The following PHF12 variants were observed in gnomAD, a reference collection of about 807,000 sequenced individuals.
PHF12 encodes PHD factor 1.
A neutral mutation model predicts 99.8 loss-of-function variants in PHF12; 6 were observed. The observed-to-expected ratio is 0.06, with a 90% CI of 0.03 to 0.12. The LOEUF is 0.12. Ranked by LOEUF, PHF12 falls within the 10% of genes least tolerant of loss-of-function variation. The pLI is 1.00. For missense variants in PHF12, 954 were observed against 1,300.1 expected, an observed-to-expected ratio of 0.73 and a Z score of 4.09; for synonymous variants, 480 against 514.9, an observed-to-expected ratio of 0.93 and a Z score of 0.92.
At chr17:28,936,275 C>A (rs1410021143) in intron 2 of PHF12, among the ~76,000 whole-genome samples, 1 of 152,114 alleles carries the variant, frequency 6.6e-6, no homozygotes, top group East Asian at 1.9e-4. Context: ...GTTAATTATC[C>A]ATCCAGAACA....
intron 2 of PHF12, among the ~76,000 whole-genome samples, chr17:28,929,019 C>A (rs1206579849): frequency 6.6e-6 from 1 of 151,426 alleles, no homozygotes; most frequent in Admixed American, 6.6e-5. Context: ...TCGCTTGAAC[C>A]TGGGAAGTGG....
chr17:28,950,733 T>G lies in PHF12; in HGVS notation c.66+162A>C. 1.0e-5 allele frequency: 11 copies of G among 1,048,236 alleles called. No homozygotes were observed. In the South Asian group the frequency reaches 1.2e-4, roughly 11 times the overall value. The allele number at this position is 1,048,236 out of a possible 1,614,324, so 64.9% of individuals were successfully genotyped here. A position where few individuals can be genotyped will look rare whatever the true frequency, so the allele number is the denominator to read the frequency against. ...CTGCAAACGTCCTCGGAGGCTGAGC[T>G]CAGCCCCCTAAATTGCAAAGAGGGG... On this transcript the variant is annotated intron_variant, in intron 1 of 14. Coordinates refer to ENST00000332830, the MANE Select transcript of PHF12 (RefSeq NM_001033561.2). This position sits in a 1 kb window ranked among gnomAD's most constrained non-coding sequence, Gnocchi z 5.7.
rs191362934 is a variant in PHF12, at chr17:28,927,114, T to C, written c.249-51A>G. ...CTAAATAACTAGCCCTTTGAGGCAGTAGGAAAAGCCTAGCTAGGTTTGCAT... is the reference window on the plus strand; with the variant it reads ...CTAAATAACTAGCCCTTTGAGGCAGCAGGAAAAGCCTAGCTAGGTTTGCAT... On this transcript the variant is annotated intron_variant, in intron 2 of 14. Transcript: ENST00000332830. The C allele has an allele frequency of 4.2e-5, 64 of 1,529,022 alleles. No individual in the cohort carries two copies. In the Admixed American group the frequency reaches 7.0e-4, roughly 17 times the overall value. 94.7% of individuals were successfully genotyped at this position (1,529,022 alleles called of 1,614,324 possible).
At chr17:28,931,252 A>G (rs921066077) in intron 2 of PHF12, among the ~76,000 whole-genome samples, 1 of 125,138 alleles carries the variant, frequency 8.0e-6, no homozygotes, top group African/African-American at 2.9e-5. Context: ...TGAGGCCATC[A>G]TTCCTTTTTT....
At chr17:28,919,857 A>G (rs1238291907) in intron 5 of PHF12, among the ~76,000 whole-genome samples, 1 of 152,190 alleles carries the variant, frequency 6.6e-6, no homozygotes, top group Admixed American at 6.5e-5. Context: ...CGGGAAAGTG[A>G]ATGTTTATTT....
chr17:28,911,119 G>C lies in PHF12; in HGVS notation c.2208C>G (p.Val736=). 1 of 1,614,148 alleles carries C rather than the reference G, an allele frequency of 6.2e-7. No individual in the cohort carries two copies. The highest frequency in any genetic ancestry group is 8.5e-7 in the Non-Finnish European group (1 of 1,180,020). The change falls in exon 10 of 15, where the codon GTC becomes GTG. Residue 736 remains valine, a synonymous_variant. Coordinates refer to ENST00000332830, the MANE Select transcript of PHF12 (RefSeq NM_001033561.2). ...AGCAGCTCATTCACTCACCTCCATTGACATCCATAAATGCTCGAAGTGAGT... is the reference window on the plus strand; with the variant it reads ...AGCAGCTCATTCACTCACCTCCATTCACATCCATAAATGCTCGAAGTGAGT... ...LTNSLRAFMD[V]NGEIEINMLD... is the part of the protein sequence containing the mutation.
chr17:28,915,468 A>G (rs2040045009), intron 7 of PHF12, among the ~76,000 whole-genome samples: 1 of 152,152 alleles, frequency 6.6e-6, no homozygotes, highest in Non-Finnish European at 1.5e-5. Context: ...GGGCAGGCAG[A>G]TATGAGTCTG....
At chr17:28,931,046 G>GT (rs1335521627) in intron 2 of PHF12, among the ~76,000 whole-genome samples, 1 of 152,160 alleles carries the variant, frequency 6.6e-6, no homozygotes, top group Non-Finnish European at 1.5e-5. Flanking sequence ...GGGCAACAGA[G>GT]TGAGACCCTG....
chr17:28,912,727 T>C lies in PHF12; in HGVS notation c.1844A>G (p.Gln615Arg). Residue 615 changes from glutamine to arginine, a missense_variant, in exon 9 of 15, where the codon CAG becomes CGG. Gln to Arg is a conservative substitution (Grantham distance 43). Transcript: ENST00000332830. ...ENATGPSSCP[Q>R]RSLVPVPSLP... ...GCTTGGGACAGGAACCAAACTCCTC[T>C]GGGGGCAAGAGCTGGGGCCAGTGGC... 2 of 1,614,188 alleles carry C rather than the reference T, an allele frequency of 1.2e-6. No homozygotes were observed.
chr17:28,920,812 C>T lies in PHF12; in HGVS notation c.836+876G>A, dbSNP rs572155178. On this transcript the variant is annotated intron_variant, in intron 5 of 14. Transcript: ENST00000332830. ...TCCTGACCTCATGATCTGCCCGCCT[C>T]GGCCTCCCAAAGTGTTGGGATTACA... Among the ~76,000 whole-genome samples, 10 of 152,334 alleles carry T rather than the reference C, an allele frequency of 6.6e-5. No homozygotes were observed. In the South Asian group the frequency reaches 8.3e-4, roughly 13 times the overall value.
At chr17:28,914,256 C>T (rs527683179) in intron 7 of PHF12, among the ~76,000 whole-genome samples, 23 of 152,222 alleles carry the variant, frequency 1.5e-4, no homozygotes, top group Admixed American at 5.9e-4. Context: ...GAAACCACTG[C>T]GTTCTGTCTT....
At position 28,911,201 on chromosome 17, in the gene PHF12, C is replaced by T; in HGVS notation, c.2126G>A (p.Ser709Asn). The change falls in exon 10 of 15, where the codon AGC (serine) becomes AAC (asparagine). Residue 709 changes from serine to asparagine, a missense_variant. Ser to Asn is a conservative substitution (Grantham distance 46). Coordinates refer to ENST00000332830, the MANE Select transcript of PHF12 (RefSeq NM_001033561.2). ...KVSPGTLSIG[S>N]ALTVPSFPAN... ...TGGGAAAGAGGGTACGGTTAAAGCGCTTCCTATGGATAACGTGCCGGGGCT... is the reference window on the plus strand; with the variant it reads ...TGGGAAAGAGGGTACGGTTAAAGCGTTTCCTATGGATAACGTGCCGGGGCT... 6.2e-7 allele frequency: 1 copy of T among 1,614,156 alleles called. No homozygotes were observed.
At chr17:28,924,465 CAACTCT>C in intron 3 of PHF12, 163 bp from the exon 4 acceptor site, 1 of 903,614 alleles carries the variant, frequency 1.1e-6, no homozygotes, top group East Asian at 2.5e-5. Flanking sequence ...AAAGTTGACA[CAACTCT>C]AACTGAACTA....
At position 28,950,848 on chromosome 17, in the gene PHF12, G is replaced by A. The variant is rs1458000150; in HGVS notation, c.66+47C>T. ...TGGCTTTGTGGGGCGGAGGGCGGAG[G>A]TTCCCTCCCGGCGCTGGAGGAAGGA... is the stretch of plus-strand genomic sequence containing the variant. On this transcript the variant is annotated intron_variant, in intron 1 of 14. Transcript: ENST00000332830. The surrounding 1 kb of genome is among the most constrained non-coding windows in gnomAD (Gnocchi z 5.7). The A allele has an allele frequency of 1.9e-6, 3 of 1,608,102 alleles. No individual in the cohort carries two copies. Among genetic ancestry groups the A allele is most frequent in the Non-Finnish European group, 2.6e-6 (3 of 1,176,408 alleles).
At chr17:28,911,434 C>T in intron 9 of PHF12, 197 bp from the exon 10 acceptor site, 1 of 647,592 alleles carries the variant, frequency 1.5e-6, no homozygotes, top group East Asian at 2.9e-5. Flanking sequence ...AGCACCCAGG[C>T]ACGCAGGAGT....
chr17:28,914,671 CAAAAAAAAAAA>C (rs61203588), intron 7 of PHF12, among the ~76,000 whole-genome samples: 43 of 30,344 alleles, frequency 1.4e-3, no homozygotes, highest in African/African-American at 2.0e-3. Flanking sequence ...GACTCCGTCT[CAAAAAAAAAAA>C]AAAAAAAAAA....
At chr17:28,923,653 C>CAAAAAAAAAAA (rs35263191) in intron 4 of PHF12, among the ~76,000 whole-genome samples, 32 of 43,490 alleles carry the variant, frequency 7.4e-4, no homozygotes, top group East Asian at 4.2e-3. Context: ...GTGAGACTCA[C>CAAAAAAAAAAA]AAAAAAAAAA....
rs1157253899 is a variant in PHF12, at chr17:28,913,162, A to G, written c.1409T>C (p.Ile470Thr). 6 of 1,614,182 alleles carry G rather than the reference A, an allele frequency of 3.7e-6. No individual in the cohort carries two copies. Among genetic ancestry groups the G allele is most frequent in the South Asian group, 2.2e-5 (2 of 91,088 alleles). ...QTEKADIKPV[I>T]VTDSSVTTSL... ...GGTGGTGACTGAGCTGTCAGTCACA[A>G]TAACAGGCTTAATATCAGCCTTCTC... Residue 470 changes from isoleucine to threonine, a missense_variant, in exon 9 of 15, where the codon ATT becomes ACT. Physicochemically the swap from Ile to Thr is moderately conservative, Grantham distance 89. This residue lies in a region of PHF12 where 392 missense variants were observed against 423.1 expected (regional missense o/e 0.93). Transcript: ENST00000332830.
chr17:28,909,177 C>G (rs890611665), intron 11 of PHF12: 1 of 385,336 alleles, frequency 2.6e-6, no homozygotes, highest in African/African-American at 2.0e-5. Context: ...GATATTCCAG[C>G]TGGTACTATA....
Sources: gnomAD v4.1 joint callset for allele counts (sites outside exome capture counted in the v4.1 genomes callset) on GRCh38, gnomAD v4.1.1 for gene constraint, gnomAD v4.1.1 regional missense constraint, Gnocchi (gnomAD v3.1) non-coding constraint, MANE v1.5 for transcripts, NCBI Gene and HGNC (gene_info 2026-07-23, HGNC 2026-07-21) for gene names.